PDE11A: variants seen among roughly 807,000 people sequenced by gnomAD.
The protein encoded by PDE11A is dual 3',5'-cyclic-AMP and -GMP phosphodiesterase 11A.
A neutral mutation model predicts 100.5 loss-of-function variants in PDE11A; 100 were observed. That is an observed-to-expected ratio of 1.00 (90% CI 0.85 to 1.18). The LOEUF is 1.18. PDE11A is among the 50% of genes most tolerant of loss of function. The probability of loss-of-function intolerance (pLI) is 0.00; values close to 1 mark genes in which losing one functional copy is unlikely to be tolerated. For missense variants in PDE11A, 1,141 were observed against 1,152.6 expected, an observed-to-expected ratio of 0.99 and a Z score of 0.15; for synonymous variants, 381 against 420.8, an observed-to-expected ratio of 0.91 and a Z score of 1.16.
chr2:177,743,875 A>C (rs1244369156), intron 10 of PDE11A, among the ~76,000 whole-genome samples: 1 of 152,214 alleles, frequency 6.6e-6, no homozygotes, highest in African/African-American at 2.4e-5. Flanking sequence ...GAAATGAGAG[A>C]ATGTGTGAGC....
upstream of PDE11A, among the ~76,000 whole-genome samples, chr2:178,077,266 T>TC (rs2087219925): frequency 1.4e-4 from 17 of 120,412 alleles, 1 homozygote; most frequent in Middle Eastern, 8.3e-3. Flanking sequence ...CTTTCTTTTT[T>TC]TTTTTTTTTT....
At chr2:177,950,816 CAGG>C (rs1177659905) in intron 2 of PDE11A, among the ~76,000 whole-genome samples, 1 of 152,152 alleles carries the variant, frequency 6.6e-6, no homozygotes, top group Non-Finnish European at 1.5e-5. Context: ...GACGCTGAGG[CAGG>C]AGAATGGCAT....
chr2:177,823,507 A>G (rs904805114), intron 6 of PDE11A, among the ~76,000 whole-genome samples: 2 of 152,112 alleles, frequency 1.3e-5, no homozygotes, highest in African/African-American at 2.4e-5. Context: ...TATACTTTTT[A>G]CAACCACCCC....
intron 5 of PDE11A, among the ~76,000 whole-genome samples, chr2:177,845,250 C>T (rs2083566831): frequency 6.6e-6 from 1 of 150,788 alleles, no homozygotes; most frequent in African/African-American, 2.4e-5. Context: ...GGCTGCCGGG[C>T]GGAGGGGCTC....
chr2:177,934,799 C>T lies in PDE11A; in HGVS notation c.1072-29612G>A, dbSNP rs12233175. Among the ~76,000 whole-genome samples, 93 of 152,322 alleles carry T rather than the reference C, an allele frequency of 6.1e-4. No homozygotes were observed. In the East Asian group the frequency reaches 0.016, roughly 26 times the overall value. ...TATATATACACCATGGACTACCATG[C>T]AGCCATAAAAGAGGGTGAGGGCATG... On this transcript the variant is annotated intron_variant, in intron 2 of 19. Coordinates refer to ENST00000286063, the MANE Select transcript of PDE11A (RefSeq NM_016953.4).
At chr2:177,721,962 A>AAGAAAGTGCCACTAGGAAATCAT in intron 12 of PDE11A, among the ~76,000 whole-genome samples, 1 of 152,278 alleles carries the variant, frequency 6.6e-6, no homozygotes, top group East Asian at 1.9e-4. Flanking sequence ...TTTCAGTCCC[A>AAGAAAGTGCCACTAGGAAATCAT]AGAAAGTGCC....
chr2:178,086,157 A>G (rs2087352172), intron 2 of PDE11A, among the ~76,000 whole-genome samples: 1 of 152,148 alleles, frequency 6.6e-6, no homozygotes, highest in South Asian at 2.1e-4. Flanking sequence ...CTCTCTCTGC[A>G]TAAGGTTTCT....
Position 177,820,304 on chromosome 2 carries a change from CAAGA to C in PDE11A, c.1501-13_1501-10del. 2 of 1,518,454 alleles carry C rather than the reference CAAGA, an allele frequency of 1.3e-6. No homozygotes were observed. 94.1% of individuals were successfully genotyped at this position (1,518,454 alleles called of 1,614,324 possible). Reference sequence around the variant, plus strand: ...CCAGATATCTGGTCTGCCTAGGAAACAAGAAAGAAGTTAATTAAAATTGAATATT... The same window carrying C: ...CCAGATATCTGGTCTGCCTAGGAAACAAGAAGTTAATTAAAATTGAATATT... On this transcript the variant is annotated splice_polypyrimidine_tract_variant and intron_variant, in intron 6 of 19. Transcript: ENST00000286063.
At chr2:178,057,864 T>A (rs1274855173) in intron 1 of PDE11A, among the ~76,000 whole-genome samples, 1 of 152,098 alleles carries the variant, frequency 6.6e-6, no homozygotes, top group Admixed American at 6.6e-5. Flanking sequence ...CATTATTTTA[T>A]TTATTTATTT....
chr2:177,857,506 A>G (rs1263966356), intron 5 of PDE11A, among the ~76,000 whole-genome samples: 2 of 152,086 alleles, frequency 1.3e-5, no homozygotes, highest in Non-Finnish European at 2.9e-5. Context: ...TCGTATGAAA[A>G]GATGTAATTA....
chr2:177,839,602 C>G (rs888765949), intron 6 of PDE11A, among the ~76,000 whole-genome samples: 7 of 152,180 alleles, frequency 4.6e-5, no homozygotes, highest in African/African-American at 1.7e-4. Flanking sequence ...GCCTGCTCAG[C>G]TTTGCCTGGA....
intron 2 of PDE11A, among the ~76,000 whole-genome samples, chr2:177,918,159 A>G (rs974339796): frequency 2.0e-5 from 3 of 152,224 alleles, no homozygotes; most frequent in Admixed American, 6.5e-5. Flanking sequence ...TGGGGTATCA[A>G]TCCAAAATAG....
chr2:178,055,388 A>C (rs2086887174), intron 1 of PDE11A, among the ~76,000 whole-genome samples: 1 of 152,170 alleles, frequency 6.6e-6, no homozygotes, highest in Admixed American at 6.5e-5. Context: ...TAGGAGATAT[A>C]CCTAATGTAA....
At chr2:177,853,634 G>GCATA (rs1454292935) in intron 5 of PDE11A, among the ~76,000 whole-genome samples, 24 of 45,326 alleles carry the variant, frequency 5.3e-4, no homozygotes, top group South Asian at 8.8e-4. Flanking sequence ...AACAAGTCCT[G>GCATA]CATATATATA....
intron 15 of PDE11A, among the ~76,000 whole-genome samples, chr2:177,690,644 G>C (rs116096488): frequency 6.6e-6 from 1 of 152,160 alleles, no homozygotes; most frequent in African/African-American, 2.4e-5. Flanking sequence ...CATCCCTTTC[G>C]AGAGACAAAT....
chr2:177,634,385 TC>T (rs1384869041), intron 19 of PDE11A, among the ~76,000 whole-genome samples: 18 of 57,700 alleles, frequency 3.1e-4, no homozygotes, highest in Non-Finnish European at 5.2e-4. Flanking sequence ...ACTTTTTCTC[TC>T]TCTCTTTTTT....
chr2:177,817,956 T>A (rs755840733), intron 7 of PDE11A, 31 bp from the exon 8 acceptor site: 1 of 992,298 alleles, frequency 1.0e-6, no homozygotes, highest in Non-Finnish European at 1.6e-6. Context: ...ATGTGGTCAT[T>A]TTTAGTACTG....
Position 177,697,435 on chromosome 2 carries a change from G to A in PDE11A, c.2245-3C>T. 1 of 1,429,446 alleles carries A rather than the reference G, an allele frequency of 7.0e-7. No individual in the cohort carries two copies. Among genetic ancestry groups the A allele is most frequent in the Non-Finnish European group, 9.9e-7 (1 of 1,011,794 alleles). The allele number at this position is 1,429,446 out of a possible 1,614,324, so 88.5% of individuals were successfully genotyped here. A position where few individuals can be genotyped will look rare whatever the true frequency, so the allele number is the denominator to read the frequency against. On this transcript the variant is annotated splice_region_variant and splice_polypyrimidine_tract_variant and intron_variant, in intron 14 of 19. Coordinates refer to ENST00000286063, the MANE Select transcript of PDE11A (RefSeq NM_016953.4). ...AGGTTAGCAAAGATATTGTGACCCT[G>A]TAATGAGAAAGTAAAAAGTCACAAA... is the stretch of plus-strand genomic sequence containing the variant.
intron 2 of PDE11A, chr2:178,104,285 CA>C: frequency 6.2e-7 from 1 of 1,610,530 alleles, no homozygotes; most frequent in Non-Finnish European, 8.5e-7. Flanking sequence ...TTCTCTCCCA[CA>C]ACTGCTAGTT....
Sources: gnomAD v4.1 joint callset for allele counts (sites outside exome capture counted in the v4.1 genomes callset) on GRCh38, gnomAD v4.1.1 for gene constraint, MANE v1.5 for transcripts, NCBI Gene and HGNC (gene_info 2026-07-23, HGNC 2026-07-21) for gene names.